Variants in ARHGAP12 observed in about 807,000 individuals in gnomAD.
The protein encoded by ARHGAP12 is rho GTPase-activating protein 12.
Under a neutral mutation model 108.6 loss-of-function variants are expected in ARHGAP12, and 64 were observed. The observed-to-expected ratio is 0.59, with a 90% CI of 0.48 to 0.73. ARHGAP12 has a LOEUF of 0.73. ARHGAP12 is among the 30% of genes least tolerant of loss of function. ARHGAP12 has a pLI of 0.00. For missense variants in ARHGAP12, 940 were observed against 1,005.9 expected, an observed-to-expected ratio of 0.93 and a Z score of 0.89; for synonymous variants, 312 against 337.2, an observed-to-expected ratio of 0.93 and a Z score of 0.82.
At chr10:31,875,452 T>C (rs532075557) in intron 3 of ARHGAP12, among the ~76,000 whole-genome samples, 9 of 152,296 alleles carry the variant, frequency 5.9e-5, no homozygotes, top group African/African-American at 2.2e-4. Context: ...ACAATGAGAA[T>C]ACAGTTCCCA....
chr10:31,869,276 C>T (rs970116368), intron 3 of ARHGAP12, among the ~76,000 whole-genome samples: 1 of 152,200 alleles, frequency 6.6e-6, no homozygotes, highest in African/African-American at 2.4e-5. Flanking sequence ...GTGGCTCATG[C>T]CTGTAATGCC....
chr10:31,820,349 A>G lies in ARHGAP12; in HGVS notation c.1632+38T>C, dbSNP rs78755206. On this transcript the variant is annotated intron_variant, in intron 12 of 19. Transcript: ENST00000344936. The stretch of plus-strand genomic sequence containing the variant: ...AAAAAACAGAACATCCAATTACTAC[A>G]GTTTAGAATGTGTTATACTTAGAAA... The G allele has an allele frequency of 1.2e-3, 1,734 of 1,481,368 alleles. 14 individuals carry two copies. In the African/African-American group the frequency reaches 0.022, roughly 19 times the overall value. 91.8% of individuals were successfully genotyped at this position (1,481,368 alleles called of 1,614,324 possible).
At chr10:31,886,991 T>C (rs756591973) in intron 3 of ARHGAP12, among the ~76,000 whole-genome samples, 1 of 152,190 alleles carries the variant, frequency 6.6e-6, no homozygotes, top group Non-Finnish European at 1.5e-5. Flanking sequence ...CCCTGTGTAT[T>C]AGTCAAGAGT....
At chr10:31,840,772 G>C (rs1836234211) in intron 7 of ARHGAP12, among the ~76,000 whole-genome samples, 1 of 152,074 alleles carries the variant, frequency 6.6e-6, no homozygotes, top group South Asian at 2.1e-4. Context: ...CACACAATTT[G>C]TAAATACAGA....
chr10:31,905,640 A>C (rs537592401), intron 3 of ARHGAP12, among the ~76,000 whole-genome samples: 2 of 152,354 alleles, frequency 1.3e-5, no homozygotes, highest in South Asian at 4.1e-4. Context: ...AAACATGAGC[A>C]AATGTAAATG....
At chr10:31,846,417 C>A (rs151331448) in intron 6 of ARHGAP12, among the ~76,000 whole-genome samples, 259 of 152,292 alleles carry the variant, frequency 1.7e-3, no homozygotes, top group African/African-American at 5.8e-3. Context: ...AGGGATAAAT[C>A]TCTTAGTTTA....
chr10:31,806,188 T>C lies in ARHGAP12; in HGVS notation c.*1470A>G, dbSNP rs1834818399. The C allele has an allele frequency of 1.3e-5, 2 of 152,174 alleles. No homozygotes were observed. The highest frequency in any genetic ancestry group is 4.1e-4 in the South Asian group (2 of 4,832). 9.4% of individuals were successfully genotyped at this position (152,174 alleles called of 1,614,324 possible). The stretch of plus-strand genomic sequence containing the variant: ...GAAAAGGTATGAAATGAGGAAAGTG[T>C]TATTTGCCACAGGAAATATTGGATT... On this transcript the variant is annotated 3_prime_UTR_variant, in exon 20 of 20. Transcript: ENST00000344936.
intron 3 of ARHGAP12, among the ~76,000 whole-genome samples, chr10:31,898,771 T>C (rs755771762): frequency 5.9e-4 from 90 of 152,260 alleles, no homozygotes; most frequent in Non-Finnish European, 1.2e-3. Flanking sequence ...CTACACCATC[T>C]AGCCTGGGTG....
chr10:31,854,226 T>C lies in ARHGAP12; in HGVS notation c.949-20A>G, dbSNP rs1321298781. ...AAGAAGCTACAAATAGTCAGAAACA[T>C]AAGGATTTTTCTTTTTTGAATATAA... On this transcript the variant is annotated intron_variant, in intron 4 of 19. Coordinates refer to ENST00000344936, the MANE Select transcript of ARHGAP12 (RefSeq NM_018287.7). 1 of 1,579,878 alleles carries C rather than the reference T, an allele frequency of 6.3e-7. No homozygotes were observed. The highest frequency in any genetic ancestry group is 1.4e-5 in the African/African-American group (1 of 72,842).
chr10:31,814,325 G>T lies in ARHGAP12; in HGVS notation c.1768C>A (p.Pro590Thr). The T allele has an allele frequency of 3.7e-6, 6 of 1,613,942 alleles. No homozygotes were observed. The highest frequency in any genetic ancestry group is 2.2e-5 in the East Asian group (1 of 44,852). ...ETDEGIEEEI[P>T]DSPGIEKHDK... Reference sequence around the variant, plus strand: ...TGCTTTTCTATTCCTGGTGAATCCGGTATCTCCTCTTCAATTCCTTCATCA... The same window carrying T: ...TGCTTTTCTATTCCTGGTGAATCCGTTATCTCCTCTTCAATTCCTTCATCA... Residue 590 changes from proline to threonine, a missense_variant, in exon 14 of 20, where the codon CCG becomes ACG. Pro to Thr is a conservative substitution (Grantham distance 38). Coordinates refer to ENST00000344936, the MANE Select transcript of ARHGAP12 (RefSeq NM_018287.7).
chr10:31,865,747 G>C (rs192930343), intron 3 of ARHGAP12, among the ~76,000 whole-genome samples: 1 of 151,884 alleles, frequency 6.6e-6, no homozygotes, highest in East Asian at 1.9e-4. Flanking sequence ...GCGTGGTGGC[G>C]GGCGCCTGTA....
intron 1 of ARHGAP12, among the ~76,000 whole-genome samples, 179 bp downstream of exon 1, chr10:31,928,504 C>T (rs978691217): frequency 6.6e-6 from 1 of 150,988 alleles, no homozygotes; most frequent in Admixed American, 6.6e-5. Context: ...CCTCGCTGCG[C>T]GCCCGACCTC....
chr10:31,844,004 ACTT>A lies in ARHGAP12; in HGVS notation c.1171-421_1171-419del, dbSNP rs201496645. 3.4e-3 allele frequency among the ~76,000 whole-genome samples: 519 copies of A among 152,314 alleles called. 3 individuals carry two copies. The highest frequency in any genetic ancestry group is 0.012 in the African/African-American group (507 of 41,582). On this transcript the variant is annotated intron_variant, in intron 6 of 19. Transcript: ENST00000344936. ...TAAAATCAGACAAATTATTTTTTCT[ACTT>A]CTATCTCTTCTACTAAAATCAAAAA...
intron 6 of ARHGAP12, among the ~76,000 whole-genome samples, chr10:31,849,614 C>T (rs75722044): frequency 3.3e-4 from 50 of 152,308 alleles, no homozygotes; most frequent in Non-Finnish European, 6.6e-4. Flanking sequence ...GAAATAGTGA[C>T]TCTACAGCAC....
chr10:31,814,411 T>G (rs201396473), intron 13 of ARHGAP12, 50 bp from the exon 14 acceptor site: 1 of 1,407,420 alleles, frequency 7.1e-7, no homozygotes, highest in East Asian at 2.3e-5. Flanking sequence ...AGTATTACTA[T>G]AGTTGGAATG....
chr10:31,843,394 T>C lies in ARHGAP12; in HGVS notation c.1296+67A>G, dbSNP rs894754647. The C allele has an allele frequency of 2.7e-6, 4 of 1,457,060 alleles. No homozygotes were observed. In the African/African-American group the frequency reaches 5.8e-5, roughly 21 times the overall value. The allele number at this position is 1,457,060 out of a possible 1,614,324, so 90.3% of individuals were successfully genotyped here. ...ATTTACTAAATACATAAAATATTAG[T>C]ACGAATAGTTACAATTCACTGTACA... On this transcript the variant is annotated intron_variant, in intron 7 of 19. Transcript: ENST00000344936.
chr10:31,908,107 TA>T (rs1291495838), intron 3 of ARHGAP12, 64 bp downstream of exon 3: 3 of 1,429,972 alleles, frequency 2.1e-6, no homozygotes, highest in African/African-American at 2.9e-5. Context: ...ATATTTCAAT[TA>T]AAACTATAAC....
rs550855820 is a variant in ARHGAP12 at position 31,856,183 on chromosome 10, T to A, written c.949-1977A>T. On this transcript the variant is annotated intron_variant, in intron 4 of 19. Coordinates refer to ENST00000344936, the MANE Select transcript of ARHGAP12 (RefSeq NM_018287.7). ...TGAAAATGTTACATAAAATTTTTTT[T>A]AAAATAATCTATGAACAAAAGGTTA... Among the ~76,000 whole-genome samples the A allele has an allele frequency of 4.9e-4, 74 of 152,228 alleles. 3 individuals carry two copies. The highest frequency in any genetic ancestry group is 2.0e-3 in the Admixed American group (31 of 15,286).
chr10:31,859,447 TGA>T (rs1447180141), intron 4 of ARHGAP12, among the ~76,000 whole-genome samples: 1 of 145,610 alleles, frequency 6.9e-6, no homozygotes, highest in Admixed American at 7.1e-5. Flanking sequence ...CAATTAAATA[TGA>T]GAGGAGAAGA....
Sources: allele counts gnomAD v4.1 joint callset (sites outside exome capture counted in the v4.1 genomes callset), GRCh38; gene constraint gnomAD v4.1.1; transcripts MANE v1.5; gene names NCBI Gene and HGNC (gene_info 2026-07-23, HGNC 2026-07-21).